NDFIP2: variants seen among roughly 807,000 people sequenced by gnomAD.
NDFIP2 encodes Nedd4 family interacting protein 2.
In NDFIP2, 19 loss-of-function variants were observed where a neutral mutation model predicts 36.0. The ratio of observed to expected loss-of-function variants is 0.53; its 90% CI spans 0.37 to 0.77. The LOEUF (loss-of-function observed/expected upper bound fraction) is 0.77, where lower values mean the gene tolerates loss of function less well. NDFIP2 is among the 30% of genes least tolerant of loss of function. The pLI, the probability that NDFIP2 is intolerant of heterozygous loss-of-function variation, is 0.00. For synonymous variants in NDFIP2, 181 were observed against 167.7 expected, an observed-to-expected ratio of 1.08 and a Z score of -0.61; for missense variants, 446 against 435.8, an observed-to-expected ratio of 1.02 and a Z score of -0.21.
Position 79,552,551 on chromosome 13 carries a change from G to A in NDFIP2, c.*38G>A, listed in dbSNP as rs894396322. On this transcript the variant is annotated 3_prime_UTR_variant, in exon 8 of 8. Transcript: ENST00000218652. The stretch of plus-strand genomic sequence containing the variant: ...CCCGACATTCCTTTCTTATACCAAT[G>A]TGAAATTTCCAGATCATCTGTAAAC... 6.6e-6 allele frequency: 1 copy of A among 151,758 alleles called. No individual in the cohort carries two copies. The highest frequency in any genetic ancestry group is 2.4e-5 in the African/African-American group (1 of 41,362). The allele number at this position is 151,758 out of a possible 1,614,324, so 9.4% of individuals were successfully genotyped here.
chr13:79,549,332 TTG>T (rs1875811439), intron 6 of NDFIP2, among the ~76,000 whole-genome samples: 1 of 151,958 alleles, frequency 6.6e-6, no homozygotes, highest in Non-Finnish European at 1.5e-5. Flanking sequence ...GTGTTCTTTA[TTG>T]AGTTTCTTAC....
At chr13:79,493,826 C>T (rs1452837284) in intron 1 of NDFIP2, among the ~76,000 whole-genome samples, 1 of 152,044 alleles carries the variant, frequency 6.6e-6, no homozygotes, top group East Asian at 1.9e-4. Context: ...GTAGCACTCA[C>T]ACCTCGGTAA....
At chr13:79,507,825 T>G (rs1262591889) in intron 1 of NDFIP2, among the ~76,000 whole-genome samples, 2 of 151,974 alleles carry the variant, frequency 1.3e-5, no homozygotes, top group African/African-American at 4.8e-5. Context: ...GTTTGAGATC[T>G]TGAACTTTTT....
chr13:79,488,182 ACTAAGTAG>A (rs1651301235), intron 1 of NDFIP2, among the ~76,000 whole-genome samples: 1 of 152,174 alleles, frequency 6.6e-6, no homozygotes, highest in South Asian at 2.1e-4. Flanking sequence ...TATGTTGTAT[ACTAAGTAG>A]TACACCAAGT....
intron 2 of NDFIP2, among the ~76,000 whole-genome samples, chr13:79,524,456 TG>T (rs1874710977): frequency 6.6e-6 from 1 of 152,238 alleles, no homozygotes; most frequent in Non-Finnish European, 1.5e-5. Flanking sequence ...CTGCATCGAT[TG>T]CTGATCAAAT....
At chr13:79,492,341 A>G (rs908276186) in intron 1 of NDFIP2, among the ~76,000 whole-genome samples, 5 of 148,392 alleles carry the variant, frequency 3.4e-5, no homozygotes, top group African/African-American at 1.0e-4. Context: ...GAGAGCTTTC[A>G]TCTATATCAG....
chr13:79,481,287 C>G lies in NDFIP2; in HGVS notation c.84C>G (p.Arg28=). Residue 28 remains arginine, a synonymous_variant, in exon 1 of 8, where the codon CGC becomes CGG. Transcript: ENST00000218652. ...NSARGAPELL[R]GTATNAEVSA... is the part of the protein sequence containing the mutation. ...CGCGCGGCGCCCCGGAGCTTCTCCG[C>G]GGAACCGCGACCAACGCGGAGGTCT... 1 of 1,539,104 alleles carries G rather than the reference C, an allele frequency of 6.5e-7. No homozygotes were observed. Among genetic ancestry groups the G allele is most frequent in the African/African-American group, 1.4e-5 (1 of 73,106 alleles).
chr13:79,546,133 A>G (rs1213347315), intron 5 of NDFIP2, among the ~76,000 whole-genome samples: 1 of 152,190 alleles, frequency 6.6e-6, no homozygotes, highest in African/African-American at 2.4e-5. Context: ...GACTTTTACT[A>G]TAATGCTCCA....
intron 2 of NDFIP2, among the ~76,000 whole-genome samples, chr13:79,532,474 CACTTT>C (rs929662524): frequency 6.6e-5 from 10 of 152,112 alleles, no homozygotes; most frequent in African/African-American, 1.9e-4. Context: ...ACCTGTATAG[CACTTT>C]ACTTTATTAC....
intron 1 of NDFIP2, among the ~76,000 whole-genome samples, chr13:79,482,989 A>G (rs1010554564): frequency 1.3e-5 from 2 of 152,194 alleles, no homozygotes; most frequent in East Asian, 1.9e-4. Context: ...AACTTGTTTC[A>G]TTTTTCCTAC....
chr13:79,483,899 G>A (rs1009286655), intron 1 of NDFIP2, among the ~76,000 whole-genome samples: 6 of 152,194 alleles, frequency 3.9e-5, no homozygotes, highest in Non-Finnish European at 7.3e-5. Context: ...AATTTTATGG[G>A]AAATTCAGTT....
At chr13:79,525,361 C>T (rs1484693930) in intron 2 of NDFIP2, among the ~76,000 whole-genome samples, 1 of 152,180 alleles carries the variant, frequency 6.6e-6, no homozygotes, top group Admixed American at 6.5e-5. Flanking sequence ...TTTCTTTTTC[C>T]TTCACAATTT....
rs1397481199 is a variant in NDFIP2 at position 79,554,386 on chromosome 13, GTAAT to G, written c.*1877_*1880del. On this transcript the variant is annotated 3_prime_UTR_variant, in exon 8 of 8. Coordinates refer to ENST00000218652, the MANE Select transcript of NDFIP2 (RefSeq NM_019080.3). ...AAATGAAATTAAGCTTTGCTACATG[GTAAT>G]TAAATAATTACTAGGAAGCTTAGCT... The G allele has an allele frequency of 6.6e-6, 1 of 151,594 alleles. No individual in the cohort carries two copies. The highest frequency in any genetic ancestry group is 1.5e-5 in the Non-Finnish European group (1 of 67,690). 9.4% of individuals were successfully genotyped at this position (151,594 alleles called of 1,614,324 possible). A position where few individuals can be genotyped will look rare whatever the true frequency, so the allele number is the denominator to read the frequency against.
At chr13:79,551,897 T>C (rs959067577) in intron 7 of NDFIP2, among the ~76,000 whole-genome samples, 2 of 151,388 alleles carry the variant, frequency 1.3e-5, no homozygotes, top group African/African-American at 4.8e-5. Context: ...GCATTTGAAC[T>C]CTATTACCAA....
chr13:79,511,012 A>AT (rs1384645060), intron 1 of NDFIP2, among the ~76,000 whole-genome samples: 1 of 151,680 alleles, frequency 6.6e-6, no homozygotes, highest in Non-Finnish European at 1.5e-5. Flanking sequence ...AAAAAAAAAA[A>AT]AAAAGGTGGC....
chr13:79,549,579 T>C (rs1875821621), intron 6 of NDFIP2, among the ~76,000 whole-genome samples: 1 of 151,906 alleles, frequency 6.6e-6, no homozygotes, highest in South Asian at 2.1e-4. Context: ...TCACATATGC[T>C]GAAAAGAATG....
chr13:79,539,607 G>A, intron 3 of NDFIP2, 75 bp from the exon 4 acceptor site: 3 of 1,183,468 alleles, frequency 2.5e-6, no homozygotes, highest in South Asian at 2.5e-5. Flanking sequence ...AGATGTTGCT[G>A]AAGTTCTTAT....
chr13:79,552,474 CAACTT>C (rs964284518), intron 7 of NDFIP2, 37 bp from the exon 8 acceptor site: 1 of 151,726 alleles, frequency 6.6e-6, no homozygotes. Context: ...TAGATAAAGA[CAACTT>C]AATACATTTT....
intron 1 of NDFIP2, among the ~76,000 whole-genome samples, chr13:79,483,135 T>C (rs2079825361): frequency 1.3e-5 from 2 of 152,096 alleles, no homozygotes; most frequent in African/African-American, 4.8e-5. Context: ...AAACTGACGA[T>C]GTGTCCTACA....
Sources: gnomAD v4.1 joint callset for allele counts (sites outside exome capture counted in the v4.1 genomes callset) on GRCh38, gnomAD v4.1.1 for gene constraint, MANE v1.5 for transcripts, NCBI Gene and HGNC (gene_info 2026-07-23, HGNC 2026-07-21) for gene names.